Variants in MOXD1 observed in about 807,000 individuals in gnomAD.
MOXD1 encodes DBH-like monooxygenase protein 1.
Under a neutral mutation model 66.6 loss-of-function variants are expected in MOXD1, and 62 were observed. That is an observed-to-expected ratio of 0.93 (90% CI 0.76 to 1.15). The LOEUF (loss-of-function observed/expected upper bound fraction) is 1.15, where lower values mean the gene tolerates loss of function less well. Ranked by LOEUF, MOXD1 falls within the 50% of genes most tolerant of loss-of-function variation. The probability of loss-of-function intolerance (pLI) is 0.00; values close to 1 mark genes in which losing one functional copy is unlikely to be tolerated. For missense variants in MOXD1, 847 were observed against 754.6 expected (o/e 1.12, Z -1.44); for synonymous variants, 303 against 281.9 (o/e 1.07, Z -0.75).
At chr6:132,388,941 G>A (rs568583168) in intron 1 of MOXD1, among the ~76,000 whole-genome samples, 1 of 151,496 alleles carries the variant, frequency 6.6e-6, no homozygotes, top group African/African-American at 2.4e-5. Flanking sequence ...GTAGGAATGG[G>A]AGAGGGCTAT....
At position 132,331,801 on chromosome 6, in the gene MOXD1, G is replaced by A. The variant is rs78857889; in HGVS notation, c.664-3207C>T. Reference sequence around the variant, plus strand: ...GACCCCAAAGTCTGTACTTTCCTACGGCTACACATTATTGTAGGAAGCGTG... The same window carrying A: ...GACCCCAAAGTCTGTACTTTCCTACAGCTACACATTATTGTAGGAAGCGTG... On this transcript the variant is annotated intron_variant, in intron 4 of 11. Transcript: ENST00000367963. Among the ~76,000 whole-genome samples, 327 of 152,226 alleles carry A rather than the reference G, an allele frequency of 2.1e-3. 2 individuals carry two copies. Among genetic ancestry groups the A allele is most frequent in the African/African-American group, 7.5e-3 (313 of 41,516 alleles).
intron 1 of MOXD1, among the ~76,000 whole-genome samples, chr6:132,396,193 T>C (rs1186172699): frequency 6.6e-6 from 1 of 152,112 alleles, no homozygotes; most frequent in Non-Finnish European, 1.5e-5. Flanking sequence ...TCAAGTATCT[T>C]CTCAGACCAC....
At chr6:132,385,823 C>A (rs897952484) in intron 1 of MOXD1, among the ~76,000 whole-genome samples, 4 of 151,978 alleles carry the variant, frequency 2.6e-5, no homozygotes, top group Non-Finnish European at 4.4e-5. Flanking sequence ...GGAAAAGAGG[C>A]CGGGCGAGGT....
intron 1 of MOXD1, 50 bp downstream of exon 1, chr6:132,401,113 C>T: frequency 1.4e-6 from 2 of 1,436,862 alleles, no homozygotes; most frequent in African/African-American, 1.5e-5. Context: ...CTCTGGGGTC[C>T]GGACGGGACC....
At chr6:132,366,496 C>T (rs764182610) in intron 4 of MOXD1, among the ~76,000 whole-genome samples, 4 of 148,302 alleles carry the variant, frequency 2.7e-5, no homozygotes, top group African/African-American at 4.9e-5. Flanking sequence ...CTGTTTCCAT[C>T]GGGGGAAAAA....
At chr6:132,388,347 T>G (rs1776692107) in intron 1 of MOXD1, among the ~76,000 whole-genome samples, 1 of 151,414 alleles carries the variant, frequency 6.6e-6, no homozygotes, top group Admixed American at 6.6e-5. Flanking sequence ...GGCCACACAA[T>G]GAATAAGCAG....
At chr6:132,356,192 A>G (rs1321262811) in intron 4 of MOXD1, among the ~76,000 whole-genome samples, 2 of 152,230 alleles carry the variant, frequency 1.3e-5, no homozygotes, top group Non-Finnish European at 2.9e-5. Context: ...AATGAGTTTT[A>G]TACTGTTTGT....
At chr6:132,383,579 G>C (rs755906442) in intron 1 of MOXD1, among the ~76,000 whole-genome samples, 5 of 152,094 alleles carry the variant, frequency 3.3e-5, no homozygotes, top group Admixed American at 1.3e-4. Flanking sequence ...CATGCCAACT[G>C]TCTCATTTCA....
At chr6:132,319,540 T>C (rs1026786765) in intron 9 of MOXD1, among the ~76,000 whole-genome samples, 1 of 152,064 alleles carries the variant, frequency 6.6e-6, no homozygotes, top group Non-Finnish European at 1.5e-5. Context: ...TCTTATATAC[T>C]CAAATGCAAT....
chr6:132,339,379 C>T (rs1051235887), intron 4 of MOXD1, among the ~76,000 whole-genome samples: 2 of 152,102 alleles, frequency 1.3e-5, no homozygotes, highest in African/African-American at 4.8e-5. Flanking sequence ...ACTCCCCACC[C>T]ACCAACAAAA....
At chr6:132,341,990 A>G (rs1040487372) in intron 4 of MOXD1, among the ~76,000 whole-genome samples, 1 of 146,732 alleles carries the variant, frequency 6.8e-6, no homozygotes, top group Non-Finnish European at 1.5e-5. Context: ...GTTATAAAAT[A>G]GAAATACAAA....
At chr6:132,325,129 T>G (rs1243365622) in intron 6 of MOXD1, 1 of 152,200 alleles carries the variant, frequency 6.6e-6, no homozygotes, top group Non-Finnish European at 1.5e-5. Flanking sequence ...TTTACTTTCC[T>G]GCTTCATGAG....
At chr6:132,394,622 A>T (rs1380490916) in intron 1 of MOXD1, among the ~76,000 whole-genome samples, 1 of 82,602 alleles carries the variant, frequency 1.2e-5, no homozygotes, top group African/African-American at 1.5e-4. Context: ...TAGATGTCAT[A>T]AAAAAAGAGA....
intron 4 of MOXD1, among the ~76,000 whole-genome samples, chr6:132,363,718 G>A (rs1776062016): frequency 6.6e-6 from 1 of 151,938 alleles, no homozygotes; most frequent in Non-Finnish European, 1.5e-5. Context: ...TTTGTGGGAG[G>A]CTGTGAAAAC....
rs1168228968 is a variant in MOXD1, at chr6:132,309,743, G to A, written c.1508+5892C>T. Among the ~76,000 whole-genome samples the A allele has an allele frequency of 2.0e-5, 3 of 152,082 alleles. No individual in the cohort carries two copies. The East Asian group carries it at 5.8e-4, about 29-fold the overall frequency. On this transcript the variant is annotated intron_variant, in intron 10 of 11. Coordinates refer to ENST00000367963, the MANE Select transcript of MOXD1 (RefSeq NM_015529.4). ...CCATTAACAAACTTGACAAAAACAA[G>A]CAATGGGGAAAGGATCTCCTATTAA... is the stretch of plus-strand genomic sequence containing the variant.
At chr6:132,360,726 G>A (rs546232957) in intron 4 of MOXD1, among the ~76,000 whole-genome samples, 1 of 152,204 alleles carries the variant, frequency 6.6e-6, no homozygotes, top group African/African-American at 2.4e-5. Context: ...AGGTCTTTGG[G>A]CTGAAAAACT....
At chr6:132,352,951 A>C (rs990664878) in intron 4 of MOXD1, among the ~76,000 whole-genome samples, 1 of 152,198 alleles carries the variant, frequency 6.6e-6, no homozygotes, top group African/African-American at 2.4e-5. Flanking sequence ...TGATGTAAGA[A>C]TAGCTACCCC....
At chr6:132,327,086 T>C (rs1389952696) in intron 6 of MOXD1, among the ~76,000 whole-genome samples, 1 of 152,200 alleles carries the variant, frequency 6.6e-6, no homozygotes, top group Non-Finnish European at 1.5e-5. Flanking sequence ...CTTTCTTCAC[T>C]GCACCCTAAC....
At chr6:132,362,747 A>G (rs1270270940) in intron 4 of MOXD1, among the ~76,000 whole-genome samples, 1 of 152,206 alleles carries the variant, frequency 6.6e-6, no homozygotes, top group Non-Finnish European at 1.5e-5. Flanking sequence ...TGCTTCCAGC[A>G]ATCTTTATGC....
Sources: gnomAD v4.1 joint callset for allele counts (sites outside exome capture counted in the v4.1 genomes callset) on GRCh38, gnomAD v4.1.1 for gene constraint, MANE v1.5 for transcripts, NCBI Gene and HGNC (gene_info 2026-07-23, HGNC 2026-07-21) for gene names.